CTNNA2: variants seen among roughly 807,000 people sequenced by gnomAD.
CTNNA2 encodes the protein catenin alpha 2.
A neutral mutation model predicts 101.0 loss-of-function variants in CTNNA2; 42 were observed. The observed-to-expected ratio is 0.42, with a 90% CI of 0.32 to 0.54. The LOEUF is 0.54. CTNNA2 is among the 20% of genes least tolerant of loss of function. CTNNA2 has a pLI of 0.14. For missense variants in CTNNA2, 871 were observed against 1,223.1 expected (o/e 0.71, Z 4.29); for synonymous variants, 450 against 456.4 (o/e 0.99, Z 0.18).
intron 17 of CTNNA2, among the ~76,000 whole-genome samples, chr2:80,616,898 T>G (rs1255070992): frequency 2.0e-5 from 3 of 151,804 alleles, no homozygotes; most frequent in South Asian, 4.1e-4. Flanking sequence ...TTCACCACTC[T>G]GCATCCTTTT....
intron 9 of CTNNA2, among the ~76,000 whole-genome samples, chr2:80,508,728 G>A (rs1344434386): frequency 6.6e-6 from 1 of 151,366 alleles, no homozygotes; most frequent in African/African-American, 2.4e-5. Context: ...ATGTAGTGAA[G>A]GAAACCACTG....
chr2:79,394,558 G>A (rs1456510728), intron 4 of CTNNA2, among the ~76,000 whole-genome samples: 1 of 152,160 alleles, frequency 6.6e-6, no homozygotes, highest in Non-Finnish European at 1.5e-5. Context: ...CAACCTGGGG[G>A]TAGAGTTAAT....
intron 4 of CTNNA2, among the ~76,000 whole-genome samples, chr2:79,414,328 C>T (rs1012543103): frequency 6.6e-6 from 1 of 151,866 alleles, no homozygotes; most frequent in African/African-American, 2.4e-5. Flanking sequence ...GCTTATTAGA[C>T]TTATAGACTA....
intron 7 of CTNNA2, among the ~76,000 whole-genome samples, chr2:80,306,122 A>G (rs910255191): frequency 6.6e-6 from 1 of 152,162 alleles, no homozygotes; most frequent in African/African-American, 2.4e-5. Flanking sequence ...TCATATGAAC[A>G]GGGGCATGAA....
chr2:80,311,462 A>T (rs1372662814), intron 7 of CTNNA2, among the ~76,000 whole-genome samples: 4 of 152,146 alleles, frequency 2.6e-5, no homozygotes, highest in Non-Finnish European at 5.9e-5. Context: ...CCTTGGAATC[A>T]TTCTTCCTCT....
At chr2:79,710,778 A>G (rs1346778855) in intron 2 of CTNNA2, among the ~76,000 whole-genome samples, 2 of 152,090 alleles carry the variant, frequency 1.3e-5, no homozygotes, top group African/African-American at 2.4e-5. Flanking sequence ...GTGAATGTAC[A>G]TATTCCTGCT....
chr2:79,382,650 G>A (rs767659823), intron 4 of CTNNA2, among the ~76,000 whole-genome samples: 18 of 152,248 alleles, frequency 1.2e-4, no homozygotes, highest in African/African-American at 4.3e-4. Context: ...TCTTCGCTCT[G>A]TCGCCCAGGC....
At chr2:80,640,848 T>C (rs1013064133) in intron 18 of CTNNA2, among the ~76,000 whole-genome samples, 6 of 152,102 alleles carry the variant, frequency 3.9e-5, no homozygotes, top group African/African-American at 1.4e-4. Flanking sequence ...CCAGCTCCAG[T>C]GGAAAGATTC....
chr2:79,739,317 G>A (rs1671119193), intron 2 of CTNNA2, among the ~76,000 whole-genome samples: 1 of 151,938 alleles, frequency 6.6e-6, no homozygotes, highest in South Asian at 2.1e-4. Flanking sequence ...CTTACAAAGG[G>A]GTTTCTCTGT....
chr2:80,221,644 C>T (rs2149055371), intron 7 of CTNNA2, among the ~76,000 whole-genome samples: 1 of 152,302 alleles, frequency 6.6e-6, no homozygotes, highest in East Asian at 1.9e-4. Flanking sequence ...GGTACCTCTT[C>T]CCCTTAATTA....
At chr2:79,199,603 C>G (rs142677608) in intron 2 of CTNNA2, among the ~76,000 whole-genome samples, 1 of 152,028 alleles carries the variant, frequency 6.6e-6, no homozygotes, top group Non-Finnish European at 1.5e-5. Context: ...GACTGACCAG[C>G]ACAAAAACTA....
intron 7 of CTNNA2, among the ~76,000 whole-genome samples, chr2:80,234,485 C>T (rs951796585): frequency 2.6e-5 from 4 of 152,142 alleles, no homozygotes; most frequent in Non-Finnish European, 5.9e-5. Flanking sequence ...TATAATCTTC[C>T]TTTGGGAAGG....
intron 4 of CTNNA2, among the ~76,000 whole-genome samples, chr2:79,391,547 T>G (rs1253859176): frequency 6.6e-6 from 1 of 152,176 alleles, no homozygotes; most frequent in Non-Finnish European, 1.5e-5. Flanking sequence ...ATATGTGGAC[T>G]TTCAACTGTT....
At chr2:79,977,221 T>TGCGC (rs201194088) in intron 7 of CTNNA2, among the ~76,000 whole-genome samples, 4 of 88,162 alleles carry the variant, frequency 4.5e-5, no homozygotes, top group Non-Finnish European at 7.5e-5. Context: ...TGCATATGCA[T>TGCGC]GCACACACAC....
chr2:79,865,998 C>G (rs1359662611), intron 4 of CTNNA2, among the ~76,000 whole-genome samples: 1 of 152,220 alleles, frequency 6.6e-6, no homozygotes, highest in Non-Finnish European at 1.5e-5. Flanking sequence ...GGATTACAGG[C>G]GTGAGCCACC....
At chr2:80,547,985 C>T (rs930917267) in intron 11 of CTNNA2, among the ~76,000 whole-genome samples, 6 of 152,102 alleles carry the variant, frequency 3.9e-5, no homozygotes, top group African/African-American at 1.4e-4. Flanking sequence ...AGCCATCGCG[C>T]CCAGCCCATT....
chr2:80,452,552 C>T (rs893202806), intron 9 of CTNNA2, among the ~76,000 whole-genome samples: 6 of 151,490 alleles, frequency 4.0e-5, no homozygotes, highest in African/African-American at 1.2e-4. Flanking sequence ...GTTCTAACGC[C>T]GCTGACAAAC....
chr2:80,376,937 A>T (rs1676012464), intron 7 of CTNNA2, among the ~76,000 whole-genome samples: 1 of 152,148 alleles, frequency 6.6e-6, no homozygotes, highest in Non-Finnish European at 1.5e-5. Flanking sequence ...TGATTTCATT[A>T]CCCATGCAGA....
chr2:79,689,474 A>G (rs1047608199), intron 2 of CTNNA2, among the ~76,000 whole-genome samples: 5 of 152,062 alleles, frequency 3.3e-5, no homozygotes, highest in African/African-American at 9.7e-5. Flanking sequence ...TGTTCCTTCT[A>G]CAATATTCTT....
Sources: gnomAD v4.1 joint callset for allele counts (sites outside exome capture counted in the v4.1 genomes callset) on GRCh38, gnomAD v4.1.1 for gene constraint, MANE v1.5 for transcripts, NCBI Gene and HGNC (gene_info 2026-07-23, HGNC 2026-07-21) for gene names.